Variants in SCAPER observed in about 807,000 individuals in gnomAD.
The protein encoded by SCAPER is S phase cyclin A-associated protein in the endoplasmic reticulum.
A neutral mutation model predicts 182.2 loss-of-function variants in SCAPER; 98 were observed. The ratio of observed to expected loss-of-function variants is 0.54; its 90% CI spans 0.46 to 0.64. SCAPER has a LOEUF of 0.64. SCAPER is among the 30% of genes least tolerant of loss of function. SCAPER has a pLI of 0.00. For missense variants in SCAPER, 1,432 were observed against 1,690.0 expected, an observed-to-expected ratio of 0.85 and a Z score of 2.68; for synonymous variants, 605 against 564.6, an observed-to-expected ratio of 1.07 and a Z score of -1.01.
chr15:76,664,946 C>T (rs2056459645), intron 21 of SCAPER, among the ~76,000 whole-genome samples: 2 of 152,152 alleles, frequency 1.3e-5, no homozygotes, highest in Admixed American at 6.5e-5. Flanking sequence ...CCTATAATCC[C>T]ATGGGTCAAG....
intron 15 of SCAPER, among the ~76,000 whole-genome samples, chr15:76,744,785 T>C (rs1323327107): frequency 1.3e-5 from 2 of 152,146 alleles, no homozygotes; most frequent in African/African-American, 4.8e-5. Context: ...TTACTGGGGA[T>C]ATACCCATTG....
At chr15:76,563,135 T>C (rs1441076425) in intron 23 of SCAPER, among the ~76,000 whole-genome samples, 1 of 152,106 alleles carries the variant, frequency 6.6e-6, no homozygotes, top group African/African-American at 2.4e-5. Context: ...GGAGTGTAAT[T>C]AGCAAAATAA....
intron 26 of SCAPER, among the ~76,000 whole-genome samples, chr15:76,409,497 TTA>T (rs2045119708): frequency 6.6e-6 from 1 of 152,112 alleles, no homozygotes; most frequent in Non-Finnish European, 1.5e-5. Context: ...AACATATACA[TTA>T]TGTGTGTGTG....
chr15:76,561,737 T>C (rs956688957), intron 23 of SCAPER, among the ~76,000 whole-genome samples: 3 of 152,020 alleles, frequency 2.0e-5, no homozygotes, highest in Non-Finnish European at 4.4e-5. Flanking sequence ...TAGACGGAGT[T>C]TCGCTCCTTT....
intron 29 of SCAPER, among the ~76,000 whole-genome samples, chr15:76,359,215 C>T (rs1256724391): frequency 1.3e-5 from 2 of 152,030 alleles, no homozygotes; most frequent in Non-Finnish European, 2.9e-5. Flanking sequence ...CTCCCCATCA[C>T]CCCAGCCCCA....
At chr15:76,491,686 C>A (rs1420297111) in intron 24 of SCAPER, among the ~76,000 whole-genome samples, 1 of 152,144 alleles carries the variant, frequency 6.6e-6, no homozygotes, top group African/African-American at 2.4e-5. Flanking sequence ...GGCTGGAGTG[C>A]AGTGGTGTGA....
chr15:76,683,096 A>G (rs2057826365), intron 20 of SCAPER, among the ~76,000 whole-genome samples: 1 of 152,222 alleles, frequency 6.6e-6, no homozygotes, highest in South Asian at 2.1e-4. Context: ...GAATATGGAT[A>G]GGAACATCCA....
intron 26 of SCAPER, among the ~76,000 whole-genome samples, chr15:76,427,324 CG>C (rs1438152286): frequency 2.0e-5 from 3 of 152,064 alleles, no homozygotes; most frequent in African/African-American, 7.2e-5. Context: ...CATCTGATAA[CG>C]GGTTAATATC....
chr15:76,544,955 A>T (rs1381403674), intron 23 of SCAPER, among the ~76,000 whole-genome samples: 1 of 152,154 alleles, frequency 6.6e-6, no homozygotes, highest in African/African-American at 2.4e-5. Context: ...TCATATCTTT[A>T]TCAGTCTTTC....
In SCAPER at chr15:76,695,873, G is replaced by A. The variant is rs533274968; in HGVS notation, c.2508+5885C>T. Among the ~76,000 whole-genome samples the A allele has an allele frequency of 1.6e-4, 25 of 152,114 alleles. No homozygotes were observed. In the South Asian group the frequency reaches 5.0e-3, roughly 30 times the overall value. On this transcript the variant is annotated intron_variant, in intron 20 of 31. Transcript: ENST00000563290. ...AAAATTCTTCCCATACTATTAAGGA[G>A]AAAATCAAGTCAATGGAAGCTATGC... is the stretch of plus-strand genomic sequence containing the variant.
intron 22 of SCAPER, among the ~76,000 whole-genome samples, chr15:76,607,882 A>G (rs1567583657): frequency 6.6e-6 from 1 of 151,718 alleles, no homozygotes; most frequent in Admixed American, 6.6e-5. Flanking sequence ...TCCTCTAAGG[A>G]CTTCTCTGCA....
At chr15:76,440,083 A>G (rs2142648323) in intron 25 of SCAPER, among the ~76,000 whole-genome samples, 1 of 152,308 alleles carries the variant, frequency 6.6e-6, no homozygotes, top group East Asian at 1.9e-4. Flanking sequence ...GATATTTCAT[A>G]CAGTTTTAGA....
rs564192069 is a variant in SCAPER at position 76,725,822 on chromosome 15, C to T, written c.2165+2773G>A. ...AATGAAGTTGAACCCTTACCTTATA[C>T]GATATACAAAAATTAACTAAAACTA... On this transcript the variant is annotated intron_variant, in intron 17 of 31. Transcript: ENST00000563290. Among the ~76,000 whole-genome samples, 5 of 151,576 alleles carry T rather than the reference C, an allele frequency of 3.3e-5. No individual in the cohort carries two copies. The South Asian group carries it at 1.0e-3, about 32-fold the overall frequency.
At chr15:76,854,483 TC>T (rs2071116527) in intron 4 of SCAPER, among the ~76,000 whole-genome samples, 1 of 151,876 alleles carries the variant, frequency 6.6e-6, no homozygotes, top group Non-Finnish European at 1.5e-5. Context: ...TGGAAAAACA[TC>T]CCATGCTCAT....
intron 25 of SCAPER, among the ~76,000 whole-genome samples, chr15:76,458,421 C>CAT (rs374734503): frequency 0.02 from 3,012 of 151,806 alleles, 46 homozygotes; most frequent in South Asian, 0.051. Context: ...CACACACACA[C>CAT]ACATATATAT....
chr15:76,728,609 G>A lies in SCAPER; in HGVS notation c.2151C>T (p.Ala717=), dbSNP rs377498412. The change falls in exon 17 of 32, where the codon GCC becomes GCT. Residue 717 remains alanine (A), a synonymous_variant. Transcript: ENST00000563290. ...AAATGAGATACCTAGCTCTTTCCCG[G>A]GCTGCATCCTCACGGGCTTTTTCCT... ...QEKEKAREDA[A]RERARDREER... is the part of the protein sequence containing the mutation. 160 of 1,613,402 alleles carry A rather than the reference G, an allele frequency of 9.9e-5. No homozygotes were observed. Among genetic ancestry groups the A allele is most frequent in the Middle Eastern group, 1.6e-4 (1 of 6,078 alleles).
intron 26 of SCAPER, among the ~76,000 whole-genome samples, chr15:76,426,552 T>A (rs1437649190): frequency 6.6e-6 from 1 of 152,160 alleles, no homozygotes; most frequent in African/African-American, 2.4e-5. Flanking sequence ...AATTTTTTTT[T>A]ATAAAAAGAA....
chr15:76,511,501 C>T (rs1269060799), intron 23 of SCAPER, among the ~76,000 whole-genome samples: 2 of 152,146 alleles, frequency 1.3e-5, no homozygotes, highest in African/African-American at 4.8e-5. Flanking sequence ...AACTTCTTCA[C>T]AGTCTACAGA....
At chr15:76,873,331 A>AAGGAAGGCAGGC (rs1568382432) in intron 2 of SCAPER, among the ~76,000 whole-genome samples, 3 of 83,770 alleles carry the variant, frequency 3.6e-5, no homozygotes, top group African/African-American at 9.1e-5. Context: ...GGAAGGAAGG[A>AAGGAAGGCAGGC]AGGCAGGCAG....
Sources: gnomAD v4.1 joint callset for allele counts (sites outside exome capture counted in the v4.1 genomes callset) on GRCh38, gnomAD v4.1.1 for gene constraint, MANE v1.5 for transcripts, NCBI Gene and HGNC (gene_info 2026-07-23, HGNC 2026-07-21) for gene names.